The following FMNL2 variants were observed in gnomAD, a reference collection of about 807,000 sequenced individuals.
FMNL2 encodes the protein formin-like protein 2.
A neutral mutation model predicts 130.2 loss-of-function variants in FMNL2; 51 were observed. The ratio of observed to expected loss-of-function variants is 0.39; its 90% CI spans 0.31 to 0.49. The LOEUF (loss-of-function observed/expected upper bound fraction) is 0.49, where lower values mean the gene tolerates loss of function less well. Among genes scored for constraint, FMNL2 ranks in the 20% least tolerant of loss-of-function variants. The probability of loss-of-function intolerance (pLI) is 0.85; values close to 1 mark genes in which losing one functional copy is unlikely to be tolerated. For synonymous variants in FMNL2, 465 were observed against 467.1 expected, an observed-to-expected ratio of 1.00 and a Z score of 0.06; for missense variants, 977 against 1,316.2, an observed-to-expected ratio of 0.74 and a Z score of 3.99.
chr2:152,593,856 AGAGAGTGT>A (rs1425096350), intron 9 of FMNL2, among the ~76,000 whole-genome samples: 2 of 104,974 alleles, frequency 1.9e-5, no homozygotes, highest in African/African-American at 4.1e-5. Flanking sequence ...AGAGAGAGAG[AGAGAGTGT>A]GTGTGTGTGT....
At chr2:152,336,076 A>G (rs1425272301) in intron 1 of FMNL2, among the ~76,000 whole-genome samples, 3 of 133,124 alleles carry the variant, frequency 2.3e-5, no homozygotes, top group Admixed American at 7.6e-5. Context: ...CGAGCCGCTT[A>G]GGCTTTTTTT....
intron 1 of FMNL2, among the ~76,000 whole-genome samples, chr2:152,428,597 T>A (rs1687311131): frequency 6.6e-6 from 1 of 152,242 alleles, no homozygotes; most frequent in Non-Finnish European, 1.5e-5. Context: ...TTTTAAGGAC[T>A]CTCTTTTAAA....
chr2:152,415,010 T>C (rs3811577), intron 1 of FMNL2, among the ~76,000 whole-genome samples: 20,164 of 152,094 alleles, frequency 0.13, 1,553 homozygotes, highest in East Asian at 0.19. Context: ...CTTGGACTTA[T>C]CAAAATATCA....
At chr2:152,595,019 A>C (rs556472402) in intron 9 of FMNL2, among the ~76,000 whole-genome samples, 1 of 152,136 alleles carries the variant, frequency 6.6e-6, no homozygotes, top group Non-Finnish European at 1.5e-5. Flanking sequence ...ATGGCCAGTC[A>C]TGGTAACATG....
intron 5 of FMNL2, 63 bp downstream of exon 5, chr2:152,558,886 GGTAAAATT>G: frequency 7.0e-7 from 1 of 1,419,890 alleles, no homozygotes; most frequent in Admixed American, 1.9e-5. Context: ...GCTACTCAGT[GGTAAAATT>G]ATACACCACA....
chr2:152,374,544 C>T (rs1300927134), intron 1 of FMNL2, among the ~76,000 whole-genome samples: 1 of 152,112 alleles, frequency 6.6e-6, no homozygotes, highest in Non-Finnish European at 1.5e-5. Context: ...AAGAGGTATA[C>T]ATCAAATGAA....
At chr2:152,366,013 A>C (rs939369627) in intron 1 of FMNL2, among the ~76,000 whole-genome samples, 3 of 152,070 alleles carry the variant, frequency 2.0e-5, no homozygotes, top group East Asian at 1.9e-4. Flanking sequence ...GCAGAAACCC[A>C]TTCACAGGCT....
At chr2:152,446,631 G>T (rs1688351676) in intron 1 of FMNL2, among the ~76,000 whole-genome samples, 1 of 152,138 alleles carries the variant, frequency 6.6e-6, no homozygotes, top group African/African-American at 2.4e-5. Flanking sequence ...TTTGTTTTAG[G>T]GAATTCAACT....
chr2:152,638,357 A>G (rs936208954), intron 23 of FMNL2, among the ~76,000 whole-genome samples: 6 of 152,202 alleles, frequency 3.9e-5, no homozygotes, highest in African/African-American at 1.4e-4. Flanking sequence ...ACCTCAATCT[A>G]TATCCTCCAG....
intron 1 of FMNL2, among the ~76,000 whole-genome samples, chr2:152,364,536 A>C (rs1683401687): frequency 6.6e-6 from 1 of 152,178 alleles, no homozygotes; most frequent in Non-Finnish European, 1.5e-5. Flanking sequence ...AATCTAGTGC[A>C]ACAAGAGCAA....
At chr2:152,486,927 T>A (rs772698301) in intron 1 of FMNL2, among the ~76,000 whole-genome samples, 3 of 152,232 alleles carry the variant, frequency 2.0e-5, no homozygotes, top group Non-Finnish European at 2.9e-5. Flanking sequence ...AGTAAATTGC[T>A]TAACTTAAAA....
chr2:152,538,452 G>C (rs552830134), intron 2 of FMNL2, among the ~76,000 whole-genome samples: 28 of 151,932 alleles, frequency 1.8e-4, no homozygotes, highest in Non-Finnish European at 3.1e-4. Flanking sequence ...ACTAATTTTT[G>C]TATTTTTAGT....
intron 2 of FMNL2, among the ~76,000 whole-genome samples, chr2:152,536,233 G>A (rs1482940244): frequency 1.3e-5 from 2 of 152,136 alleles, no homozygotes; most frequent in Non-Finnish European, 2.9e-5. Context: ...CAATATTATT[G>A]CAACATTTTA....
At chr2:152,362,797 T>C (rs1053213621) in intron 1 of FMNL2, among the ~76,000 whole-genome samples, 28 of 152,226 alleles carry the variant, frequency 1.8e-4, no homozygotes, top group Admixed American at 5.9e-4. Flanking sequence ...TCCCAGCAAC[T>C]GATGACTAGA....
intron 1 of FMNL2, among the ~76,000 whole-genome samples, chr2:152,361,168 C>A (rs73967829): frequency 0.088 from 13,409 of 151,842 alleles, 668 homozygotes; most frequent in African/African-American, 0.14. Context: ...TTGTAAAAGG[C>A]TTTTTTTTAT....
Position 152,447,744 on chromosome 2 carries a change from A to G in FMNL2, c.118-74199A>G, listed in dbSNP as rs1474115140. Among the ~76,000 whole-genome samples, 5 of 152,180 alleles carry G rather than the reference A, an allele frequency of 3.3e-5. No homozygotes were observed. In the South Asian group the frequency reaches 6.2e-4, roughly 19 times the overall value. On this transcript the variant is annotated intron_variant, in intron 1 of 25. Transcript: ENST00000288670. ...TTCCTTACTGGATAGTCTTCCCTCA[A>G]GAAGTGTCCTTTCCCTTCCCTTTCC...
chr2:152,465,871 T>C (rs1198632711), intron 1 of FMNL2, among the ~76,000 whole-genome samples: 1 of 152,206 alleles, frequency 6.6e-6, no homozygotes, highest in East Asian at 1.9e-4. Context: ...GGAGATGTGA[T>C]AGAATATCCC....
intron 2 of FMNL2, among the ~76,000 whole-genome samples, chr2:152,537,609 G>A (rs992787365): frequency 1.3e-5 from 2 of 152,090 alleles, no homozygotes; most frequent in African/African-American, 2.4e-5. Flanking sequence ...ACATTTAAAA[G>A]TTACCCTTAA....
At chr2:152,583,478 A>G (rs1321024267) in intron 9 of FMNL2, among the ~76,000 whole-genome samples, 1 of 152,226 alleles carries the variant, frequency 6.6e-6, no homozygotes, top group Non-Finnish European at 1.5e-5. Context: ...TGAGAGAGTC[A>G]CACAAGGTGG....
Sources: gnomAD v4.1 joint callset for allele counts (sites outside exome capture counted in the v4.1 genomes callset) on GRCh38, gnomAD v4.1.1 for gene constraint, MANE v1.5 for transcripts, NCBI Gene and HGNC (gene_info 2026-07-23, HGNC 2026-07-21) for gene names.